Variants in SHROOM3 observed in about 807,000 individuals in gnomAD.
SHROOM3 encodes the protein shroom family member 3.
A neutral mutation model predicts 138.6 loss-of-function variants in SHROOM3; 47 were observed. The observed-to-expected ratio is 0.34, with a 90% confidence interval of 0.27 to 0.43. The LOEUF (loss-of-function observed/expected upper bound fraction) is 0.43, where lower values mean the gene tolerates loss of function less well. Among genes scored for constraint, SHROOM3 ranks in the 20% least tolerant of loss-of-function variants. The pLI is 1.00. For missense variants in SHROOM3, 2,491 were observed against 2,596.5 expected, an observed-to-expected ratio of 0.96 and a Z score of 0.88; for synonymous variants, 1,062 against 1,063.3, an observed-to-expected ratio of 1.00 and a Z score of 0.02.
At chr4:76,453,659 A>G (rs1003584936) in intron 1 of SHROOM3, among the ~76,000 whole-genome samples, 1 of 152,032 alleles carries the variant, frequency 6.6e-6, no homozygotes, top group Non-Finnish European at 1.5e-5. Flanking sequence ...TCTTGTGCTT[A>G]TTGGCCATCA....
chr4:76,662,995 T>C (rs1718582056), intron 2 of SHROOM3, among the ~76,000 whole-genome samples: 1 of 152,222 alleles, frequency 6.6e-6, no homozygotes, highest in Non-Finnish European at 1.5e-5. Flanking sequence ...CTGAGAGCCA[T>C]GTCTCTAGAT....
intron 3 of SHROOM3, among the ~76,000 whole-genome samples, chr4:76,719,615 G>C (rs926625332): frequency 1.1e-4 from 17 of 152,154 alleles, no homozygotes; most frequent in Non-Finnish European, 2.4e-4. Flanking sequence ...GATTCTCTGT[G>C]TGTGTCATTG....
intron 1 of SHROOM3, among the ~76,000 whole-genome samples, chr4:76,525,267 A>T (rs1050777057): frequency 5.3e-5 from 8 of 152,190 alleles, no homozygotes; most frequent in Non-Finnish European, 8.8e-5. Context: ...ACAGGGTGAC[A>T]GGACAGAGTG....
chr4:76,571,795 C>G (rs1489620157), intron 2 of SHROOM3, among the ~76,000 whole-genome samples: 2 of 152,130 alleles, frequency 1.3e-5, no homozygotes, highest in Non-Finnish European at 2.9e-5. Context: ...TATCATTTCT[C>G]TTCCAAATAG....
intron 1 of SHROOM3, 142 bp from the exon 2 acceptor site, chr4:76,555,467 C>T (rs1174134280): frequency 1.6e-6 from 2 of 1,235,988 alleles, no homozygotes; most frequent in Non-Finnish European, 2.3e-6. Flanking sequence ...TCACAGTTTT[C>T]CCTCTGGCTG....
chr4:76,565,698 C>T (rs903689517), intron 2 of SHROOM3, among the ~76,000 whole-genome samples: 1 of 152,002 alleles, frequency 6.6e-6, no homozygotes, highest in Non-Finnish European at 1.5e-5. Context: ...CCAGACTGGT[C>T]TCAAATGATT....
intron 2 of SHROOM3, chr4:76,689,806 G>A (rs1719463687): frequency 2.1e-6 from 2 of 956,376 alleles, no homozygotes; most frequent in Middle Eastern, 5.3e-4. Context: ...GGAAAGCCCT[G>A]TCTGGAGGAT....
chr4:76,608,672 A>ACAGTGTCAGGT (rs1439963661), intron 2 of SHROOM3, among the ~76,000 whole-genome samples: 1 of 81,978 alleles, frequency 1.2e-5, no homozygotes, highest in African/African-American at 3.9e-5. Flanking sequence ...ATAGCACAGC[A>ACAGTGTCAGGT]TAGCACAGCA....
intron 2 of SHROOM3, among the ~76,000 whole-genome samples, chr4:76,593,258 A>T (rs1202356320): frequency 6.6e-6 from 1 of 152,210 alleles, no homozygotes; most frequent in African/African-American, 2.4e-5. Context: ...AGGCTGATTA[A>T]TCAATCAATA....
intron 2 of SHROOM3, among the ~76,000 whole-genome samples, chr4:76,654,204 C>T (rs758470274): frequency 6.6e-6 from 1 of 152,024 alleles, no homozygotes; most frequent in East Asian, 1.9e-4. Context: ...TTGCAGTTAA[C>T]GTCGAAGTGT....
chr4:76,565,924 G>A (rs1733711570), intron 2 of SHROOM3, among the ~76,000 whole-genome samples: 2 of 151,950 alleles, frequency 1.3e-5, no homozygotes, highest in South Asian at 4.2e-4. Flanking sequence ...CTCCAGACCA[G>A]CCTGGGCAAC....
intron 1 of SHROOM3, among the ~76,000 whole-genome samples, chr4:76,459,346 C>T (rs968566597): frequency 2.6e-5 from 4 of 152,062 alleles, no homozygotes; most frequent in African/African-American, 9.7e-5. Context: ...TTAGACCTTC[C>T]CCATTAAGGC....
intron 1 of SHROOM3, among the ~76,000 whole-genome samples, chr4:76,532,961 C>A (rs1579218210): frequency 2.2e-5 from 1 of 45,662 alleles, no homozygotes; most frequent in Admixed American, 3.2e-4. Flanking sequence ...GTGACAGCTG[C>A]TGACTAATGG....
chr4:76,557,059 G>T lies in SHROOM3; in HGVS notation c.323+1296G>T, dbSNP rs529945760. The stretch of plus-strand genomic sequence containing the variant: ...CAAATTCCAGGGCTGTCACCTGTTA[G>T]CTGTGTGAGCTTGGCCAAATTACTT... On this transcript the variant is annotated intron_variant, in intron 2 of 10. Transcript: ENST00000296043. Among the ~76,000 whole-genome samples the T allele has an allele frequency of 2.6e-5, 4 of 152,258 alleles. No individual in the cohort carries two copies. The East Asian group carries it at 7.7e-4, about 29-fold the overall frequency.
chr4:76,625,031 T>A (rs1040790935), intron 2 of SHROOM3, among the ~76,000 whole-genome samples: 1 of 152,222 alleles, frequency 6.6e-6, no homozygotes, highest in African/African-American at 2.4e-5. Context: ...TCAAGTACCC[T>A]TGAATTGTAT....
intron 8 of SHROOM3, chr4:76,758,457 T>TAAAAAAAAAAAAAAAA (rs5859530): frequency 7.1e-6 from 1 of 141,274 alleles, no homozygotes; most frequent in African/African-American, 2.6e-5. Context: ...CCTGGGGATT[T>TAAAAAAAAAAAAAAAA]AAAAAAAAAA....
chr4:76,762,678 G>T (rs1722022560), intron 9 of SHROOM3, among the ~76,000 whole-genome samples: 1 of 152,224 alleles, frequency 6.6e-6, no homozygotes, highest in African/African-American at 2.4e-5. Flanking sequence ...GCTCATAAAT[G>T]CTTAGTGAGA....
At chr4:76,759,718 TTG>T in intron 9 of SHROOM3, 23 bp downstream of exon 9, 2 of 1,608,154 alleles carry the variant, frequency 1.2e-6, no homozygotes, top group Non-Finnish European at 1.7e-6. Flanking sequence ...TGGGATGCCC[TTG>T]TTCAGCTTTC....
chr4:76,558,950 C>G (rs1470956738), intron 2 of SHROOM3, among the ~76,000 whole-genome samples: 1 of 152,166 alleles, frequency 6.6e-6, no homozygotes, highest in Non-Finnish European at 1.5e-5. Flanking sequence ...GGCCCTTTCC[C>G]CTCTGGGCCC....
Sources: gnomAD v4.1 joint callset for allele counts (sites outside exome capture counted in the v4.1 genomes callset) on GRCh38, gnomAD v4.1.1 for gene constraint, MANE v1.5 for transcripts, NCBI Gene and HGNC (gene_info 2026-07-23, HGNC 2026-07-21) for gene names.